The following PEPD variants were observed in gnomAD, a reference collection of about 807,000 sequenced individuals.
The protein encoded by PEPD is xaa-Pro dipeptidase.
A neutral mutation model predicts 60.7 loss-of-function variants in PEPD; 53 were observed. The ratio of observed to expected loss-of-function variants is 0.87; its 90% confidence interval spans 0.70 to 1.10. The LOEUF is 1.10. Among genes scored for constraint, PEPD ranks in the 50% least tolerant of loss-of-function variants. The pLI is 0.00. For synonymous variants in PEPD, 267 were observed against 284.1 expected (o/e 0.94, Z 0.60); for missense variants, 711 against 711.9 (o/e 1.00, Z 0.01).
chr19:33,463,045 G>A lies in PEPD; in HGVS notation c.625-4C>T. 1 of 1,570,470 alleles carries A rather than the reference G, an allele frequency of 6.4e-7. No homozygotes were observed. The highest frequency in any genetic ancestry group is 8.8e-7 in the Non-Finnish European group (1 of 1,140,348). ...CCACTTTTACAGCCTTCATTACCTG[G>A]AGGACGGATATTAAGCAAAGACATT... On this transcript the variant is annotated splice_polypyrimidine_tract_variant and splice_region_variant and intron_variant, in intron 8 of 14. Coordinates refer to ENST00000244137, the MANE Select transcript of PEPD (RefSeq NM_000285.4).
At chr19:33,460,360 C>T (rs73035100) in intron 9 of PEPD, among the ~76,000 whole-genome samples, 1,635 of 152,228 alleles carry the variant, frequency 0.011, 12 homozygotes, top group Middle Eastern at 0.021. Flanking sequence ...GAGCTCGAGG[C>T]GGAAGAAGTG....
At chr19:33,447,081 C>T (rs1197247910) in intron 9 of PEPD, among the ~76,000 whole-genome samples, 5 of 152,296 alleles carry the variant, frequency 3.3e-5, no homozygotes, top group African/African-American at 1.2e-4. Context: ...GCTGGGATGC[C>T]CAGGAGGGCC....
intron 9 of PEPD, among the ~76,000 whole-genome samples, chr19:33,459,997 G>C (rs1004904705): frequency 2.0e-5 from 3 of 152,170 alleles, no homozygotes; most frequent in Non-Finnish European, 2.9e-5. Context: ...TTTGAACCCA[G>C]TGAGTCAGCG....
chr19:33,392,884 T>C (rs896209636), intron 12 of PEPD, among the ~76,000 whole-genome samples: 7 of 150,360 alleles, frequency 4.7e-5, no homozygotes, highest in Non-Finnish European at 1.0e-4. Flanking sequence ...CCCGACACAC[T>C]GGGCACAAGT....
At chr19:33,450,879 G>A (rs1969683634) in intron 9 of PEPD, among the ~76,000 whole-genome samples, 1 of 152,084 alleles carries the variant, frequency 6.6e-6, no homozygotes, top group Non-Finnish European at 1.5e-5. Flanking sequence ...CATCAGACAC[G>A]CCCACCAGTG....
rs576669373 is a variant in PEPD, at chr19:33,495,633, T to A, written c.394-2296A>T. Among the ~76,000 whole-genome samples, 222 of 152,184 alleles carry A rather than the reference T, an allele frequency of 1.5e-3. No individual in the cohort carries two copies. In the Middle Eastern group the frequency reaches 0.017, roughly 12 times the overall value. On this transcript the variant is annotated intron_variant, in intron 4 of 14. Coordinates refer to ENST00000244137, the MANE Select transcript of PEPD (RefSeq NM_000285.4). ...AACAATCTCCCGGGATCCTCCCTCA[T>A]GTTACTGAGTGACTGCTTGGAGAAT...
At chr19:33,463,072 G>A (rs1435927521) in intron 8 of PEPD, 31 bp from the exon 9 acceptor site, 4 of 1,348,584 alleles carry the variant, frequency 3.0e-6, no homozygotes, top group Non-Finnish European at 4.3e-6. Context: ...AAAGACATTT[G>A]TATTAAGCAG....
chr19:33,460,045 G>C (rs1243822245), intron 9 of PEPD, among the ~76,000 whole-genome samples: 1 of 152,142 alleles, frequency 6.6e-6, no homozygotes. Flanking sequence ...AGCCTTCCCT[G>C]GTAGCAGTTG....
chr19:33,401,897 G>A (rs768011899), intron 11 of PEPD, 28 bp from the exon 12 acceptor site: 9 of 1,610,118 alleles, frequency 5.6e-6, no homozygotes, highest in Non-Finnish European at 7.6e-6. Context: ...CAGGGCAAGT[G>A]GGTACTGGGG....
chr19:33,445,600 C>T (rs775411328), intron 9 of PEPD, among the ~76,000 whole-genome samples: 30 of 152,316 alleles, frequency 2.0e-4, no homozygotes, highest in Non-Finnish European at 4.3e-4. Context: ...GCAGCCCTGC[C>T]GATGCCTTGA....
rs1233513726 is a variant in PEPD, at chr19:33,423,974, G to A, written c.672-10331C>T. Among the ~76,000 whole-genome samples, 14 of 152,222 alleles carry A rather than the reference G, an allele frequency of 9.2e-5. No individual in the cohort carries two copies. The East Asian group carries it at 1.9e-3, about 21-fold the overall frequency. On this transcript the variant is annotated intron_variant, in intron 9 of 14. Transcript: ENST00000244137. ...TTATTGTGATGTAGGTCATGAGGCA[G>A]AATGCCATTTGATTATTTTCTTTGC...
chr19:33,444,298 G>A (rs1969548563), intron 9 of PEPD, among the ~76,000 whole-genome samples: 1 of 152,070 alleles, frequency 6.6e-6, no homozygotes, highest in Non-Finnish European at 1.5e-5. Flanking sequence ...AGCACCCTGG[G>A]GATCTCTCTC....
At chr19:33,517,267 A>T (rs1971039677) in intron 1 of PEPD, among the ~76,000 whole-genome samples, 1 of 152,034 alleles carries the variant, frequency 6.6e-6, no homozygotes, top group South Asian at 2.1e-4. Context: ...TACATTTAAA[A>T]ACATTATGCC....
At chr19:33,449,854 C>G (rs1488724993) in intron 9 of PEPD, among the ~76,000 whole-genome samples, 1 of 152,122 alleles carries the variant, frequency 6.6e-6, no homozygotes, top group Non-Finnish European at 1.5e-5. Flanking sequence ...TGAAATCTGT[C>G]CGGGGTGACA....
chr19:33,399,997 C>T lies in PEPD; in HGVS notation c.967+1724G>A, dbSNP rs148075128. Among the ~76,000 whole-genome samples, 749 of 152,094 alleles carry T rather than the reference C, an allele frequency of 4.9e-3. 4 individuals are homozygous for T. Among genetic ancestry groups the T allele is most frequent in the African/African-American group, 0.017 (705 of 41,508 alleles). On this transcript the variant is annotated intron_variant, in intron 12 of 14. Coordinates refer to ENST00000244137, the MANE Select transcript of PEPD (RefSeq NM_000285.4). ...GGCAGAGCTGGGGCTGGGCTCGGGG[C>T]ACTCTGGGTCTGGGGCCTGCATCCT...
At chr19:33,442,450 C>T (rs918936350) in intron 9 of PEPD, among the ~76,000 whole-genome samples, 3 of 149,672 alleles carry the variant, frequency 2.0e-5, no homozygotes, top group African/African-American at 7.4e-5. Context: ...CCTATAATCT[C>T]AGCACTTTGG....
chr19:33,486,626 T>A (rs1391406804), intron 6 of PEPD, among the ~76,000 whole-genome samples: 1 of 151,930 alleles, frequency 6.6e-6, no homozygotes, highest in African/African-American at 2.4e-5. Flanking sequence ...CCCCACACAC[T>A]CTTACTGCAG....
At chr19:33,473,396 C>A (rs1970162762) in intron 7 of PEPD, among the ~76,000 whole-genome samples, 1 of 152,134 alleles carries the variant, frequency 6.6e-6, no homozygotes, top group Non-Finnish European at 1.5e-5. Context: ...TGTGAACCAA[C>A]CACAGCTTCC....
chr19:33,491,174 G>C (rs184270313), intron 5 of PEPD, among the ~76,000 whole-genome samples: 1 of 152,088 alleles, frequency 6.6e-6, no homozygotes, highest in African/African-American at 2.4e-5. Flanking sequence ...AAAGAGAAAG[G>C]CTGGGCACGG....
Sources: gnomAD v4.1 joint callset for allele counts (sites outside exome capture counted in the v4.1 genomes callset) on GRCh38, gnomAD v4.1.1 for gene constraint, MANE v1.5 for transcripts, NCBI Gene and HGNC (gene_info 2026-07-23, HGNC 2026-07-21) for gene names.